Variants in ACOT6 observed in about 807,000 individuals in gnomAD.
ACOT6 encodes the protein acyl-coenzyme A thioesterase 6.
In ACOT6, 14 loss-of-function variants were observed where a neutral mutation model predicts 12.3. The observed-to-expected ratio is 1.14, with a 90% CI of 0.75 to 1.78. The LOEUF is 1.78. Ranked by LOEUF, ACOT6 falls within the 40% of genes most tolerant of loss-of-function variation. The pLI is 0.00. For synonymous variants in ACOT6, 218 were observed against 231.3 expected (o/e 0.94, Z 0.52); for missense variants, 523 against 551.8 (o/e 0.95, Z 0.52).
At chr14:73,613,178 C>T (rs920739938) in intron 1 of ACOT6, 146 bp downstream of exon 1, 2 of 458,396 alleles carry the variant, frequency 4.4e-6, no homozygotes, top group South Asian at 9.6e-5. Context: ...TCCGCTGTTG[C>T]CCAGGCTGGA....
intron 1 of ACOT6, among the ~76,000 whole-genome samples, chr14:73,615,017 G>C (rs1356417746): frequency 6.9e-6 from 1 of 144,888 alleles, no homozygotes; most frequent in Non-Finnish European, 1.5e-5. Flanking sequence ...TGAACCCAGG[G>C]GGCAGAGGTT....
rs1374933223 is a variant in ACOT6 at position 73,612,770 on chromosome 14, G to A, written c.199G>A (p.Ala67Thr). 23 of 1,367,060 alleles carry A rather than the reference G, an allele frequency of 1.7e-5. No homozygotes were observed. The East Asian group carries it at 6.5e-4, about 38-fold the overall frequency. 84.7% of individuals were successfully genotyped at this position (1,367,060 alleles called of 1,614,324 possible). A position where few individuals can be genotyped will look rare whatever the true frequency, so the allele number is the denominator to read the frequency against. Residue 67 changes from alanine to threonine, a missense_variant, in exon 1 of 3, where the codon GCG becomes ACG. Physicochemically the swap from Ala to Thr is moderately conservative, Grantham distance 58. Transcript: ENST00000645972. Reference protein sequence around the residue: ...RDELDLERAPALGGSFAGLQP... With the variant: ...RDELDLERAPTLGGSFAGLQP... ...CGAGCTGGACCTGGAGCGCGCGCCC[G>A]CGCTGGGAGGCAGCTTCGCGGGGCT...
rs1345587140 is a variant in ACOT6 at position 73,613,013 on chromosome 14, C to G, written c.442C>G (p.Leu148Val). The G allele has an allele frequency of 1.1e-6, 1 of 917,652 alleles. No homozygotes were observed. Among genetic ancestry groups the G allele is most frequent in the African/African-American group, 1.8e-5 (1 of 56,404 alleles). The allele number at this position is 917,652 out of a possible 1,614,324, so 56.8% of individuals were successfully genotyped here. The change falls in exon 1 of 3, where the codon CTC becomes GTC. Residue 148 changes from leucine to valine, a missense_variant. Around this residue, in one of 2 missense-constraint regions of ACOT6, gnomAD observed 304 missense variants for 274.8 expected, o/e 1.11. Transcript: ENST00000645972. ...GCGCGCGGGCCCGGTGCGCGCCGCG[C>G]TCTTCCTGCCGCCGGATGAGTAGTC... The part of the protein sequence containing the change: ...PVRAGPVRAA[L>V]FLPPDEGPFP...
In ACOT6 at chr14:73,619,156, T is replaced by C. The variant is rs564685528; in HGVS notation, c.661-78T>C. On this transcript the variant is annotated intron_variant, in intron 2 of 2. Transcript: ENST00000645972. ...AAAAAGAAAAAAAAGAGAAAGCTAC[T>C]TGGAGAATGTAAAATCACTGTCTGT... The C allele has an allele frequency of 1.7e-4, 246 of 1,482,086 alleles. 1 individual carries two copies. In the African/African-American group the frequency reaches 2.9e-3, roughly 17 times the overall value. The allele number at this position is 1,482,086 out of a possible 1,614,324, so 91.8% of individuals were successfully genotyped here.
At position 73,612,618 on chromosome 14, in the gene ACOT6, A is replaced by T; in HGVS notation, c.47A>T (p.Asp16Val). The T allele has an allele frequency of 7.1e-7, 1 of 1,418,182 alleles. No homozygotes were observed. The highest frequency in any genetic ancestry group is 9.2e-7 in the Non-Finnish European group (1 of 1,082,050). The allele number at this position is 1,418,182 out of a possible 1,614,324, so 87.8% of individuals were successfully genotyped here. A position where few individuals can be genotyped will look rare whatever the true frequency, so the allele number is the denominator to read the frequency against. Residue 16 changes from aspartate (D) to valine (V), a missense_variant, in exon 1 of 3, where the codon GAC (aspartate) becomes GTC (valine). Physicochemically the swap from Asp to Val is radical, Grantham distance 152. Coordinates refer to ENST00000645972, the MANE Select transcript of ACOT6 (RefSeq NM_001365788.1). ...GAGCCCGCGGGCCGCTGCTGCTGGG[A>T]CGAGCCGCTGCGCATCGCAGTGCGC... ...ILEPAGRCCWDEPLRIAVRGL... is the reference protein window; with the variant it reads ...ILEPAGRCCWVEPLRIAVRGL...
chr14:73,617,237 C>T (rs771335871), intron 2 of ACOT6, 45 bp downstream of exon 2: 2 of 1,613,346 alleles, frequency 1.2e-6, no homozygotes, highest in Non-Finnish European at 1.7e-6. Context: ...GGGGATAGAG[C>T]TGATGCAGGG....
intron 1 of ACOT6, among the ~76,000 whole-genome samples, chr14:73,613,866 A>G (rs1890489693): frequency 1.3e-5 from 2 of 152,058 alleles, no homozygotes; most frequent in African/African-American, 4.8e-5. Context: ...AATCCCTTCT[A>G]ACTAAATTCC....
intron 1 of ACOT6, among the ~76,000 whole-genome samples, chr14:73,615,864 G>C (rs1418916595): frequency 1.3e-5 from 2 of 152,150 alleles, no homozygotes; most frequent in Non-Finnish European, 2.9e-5. Context: ...CCAGGAGTTT[G>C]AGACTAGCCC....
chr14:73,615,099 A>AC (rs397743211), intron 1 of ACOT6, among the ~76,000 whole-genome samples: 1 of 149,556 alleles, frequency 6.7e-6, no homozygotes, highest in Non-Finnish European at 1.5e-5. Flanking sequence ...AAAAAAAAAA[A>AC]CAAGGCGGCC....
At chr14:73,613,493 G>A (rs546339360) in intron 1 of ACOT6, among the ~76,000 whole-genome samples, 5 of 152,180 alleles carry the variant, frequency 3.3e-5, no homozygotes, top group Non-Finnish European at 7.3e-5. Flanking sequence ...AAAATCCACA[G>A]TATTGGCAAT....
upstream of ACOT6, among the ~76,000 whole-genome samples, chr14:73,611,818 C>T (rs1890447832): frequency 1.3e-5 from 2 of 152,258 alleles, no homozygotes; most frequent in South Asian, 2.1e-4. Flanking sequence ...ATCTGCTTTG[C>T]TCCAGGTACC....
chr14:73,616,366 G>A (rs1357698452), intron 1 of ACOT6, among the ~76,000 whole-genome samples: 2 of 150,782 alleles, frequency 1.3e-5, no homozygotes, highest in African/African-American at 4.9e-5. Context: ...CACCCAGGCT[G>A]GAGTGCAGTG....
At chr14:73,614,026 C>CAAAAAAAAAA (rs59411143) in intron 1 of ACOT6, among the ~76,000 whole-genome samples, 1 of 92,994 alleles carries the variant, frequency 1.1e-5, no homozygotes, top group Non-Finnish European at 2.1e-5. Flanking sequence ...TCTGTCTCTA[C>CAAAAAAAAAA]AAAAAAAAAA....
chr14:73,615,682 G>A (rs992709998), intron 1 of ACOT6, among the ~76,000 whole-genome samples: 2 of 151,832 alleles, frequency 1.3e-5, no homozygotes, highest in African/African-American at 4.8e-5. Flanking sequence ...GCAGTGAGCC[G>A]AGATCGCACC....
intron 1 of ACOT6, among the ~76,000 whole-genome samples, chr14:73,614,088 C>T (rs1890494799): frequency 6.7e-6 from 1 of 149,938 alleles, no homozygotes. Context: ...GTAGTCCCAG[C>T]TGCTTGGGAG....
rs142921619 is a variant in ACOT6 at position 73,619,253 on chromosome 14, C to T, written c.680C>T (p.Ala227Val). Residue 227 changes from alanine (A) to valine (V), a missense_variant, in exon 3 of 3, where the codon GCG (alanine) becomes GTG (valine). Transcript: ENST00000645972. ...CAACAGGTGAAAGGTCCTAGTATTG[C>T]GCTTCTTGGATTTTCCAAAGGAGGT... ...QHPKVKGPSIALLGFSKGGDL... is the reference protein window; with the variant it reads ...QHPKVKGPSIVLLGFSKGGDL... The T allele has an allele frequency of 4.5e-4, 718 of 1,589,902 alleles. No individual in the cohort carries two copies. In the African/African-American group the frequency reaches 7.4e-3, roughly 16 times the overall value.
chr14:73,610,967 C>T (rs1890437678), upstream of ACOT6: 1 of 152,204 alleles, frequency 6.6e-6, no homozygotes, highest in African/African-American at 2.4e-5. Flanking sequence ...TTCCATCACC[C>T]AGGCAGCATT....
At chr14:73,613,726 A>G (rs1344602642) in intron 1 of ACOT6, among the ~76,000 whole-genome samples, 1 of 152,208 alleles carries the variant, frequency 6.6e-6, no homozygotes, top group East Asian at 1.9e-4. Context: ...TCCACAATGC[A>G]CAGGACAACC....
rs1890472489 is a variant in ACOT6, at chr14:73,612,900, A to G, written c.329A>G (p.Asp110Gly). The G allele has an allele frequency of 2.9e-6, 4 of 1,372,104 alleles. No individual in the cohort carries two copies. Among genetic ancestry groups the G allele is most frequent in the Non-Finnish European group, 3.9e-6 (4 of 1,026,518 alleles). The allele number at this position is 1,372,104 out of a possible 1,614,324, so 85.0% of individuals were successfully genotyped here. A position where few individuals can be genotyped will look rare whatever the true frequency, so the allele number is the denominator to read the frequency against. Residue 110 changes from aspartate to glycine, a missense_variant, in exon 1 of 3, where the codon GAC becomes GGC. Asp to Gly is a moderately conservative substitution (Grantham distance 94). Coordinates refer to ENST00000645972, the MANE Select transcript of ACOT6 (RefSeq NM_001365788.1). The part of the protein sequence containing the change: ...TPFAVELEVL[D>G]GHDTEPGRLL... Reference sequence around the variant, plus strand: ...TTCGCCGTGGAGCTGGAAGTGCTGGACGGCCACGACACCGAGCCCGGGCGG... The same window carrying G: ...TTCGCCGTGGAGCTGGAAGTGCTGGGCGGCCACGACACCGAGCCCGGGCGG...
Sources: allele counts gnomAD v4.1 joint callset (sites outside exome capture counted in the v4.1 genomes callset), GRCh38; gene constraint gnomAD v4.1.1; regional missense constraint gnomAD v4.1.1; transcripts MANE v1.5; gene names NCBI Gene and HGNC (gene_info 2026-07-23, HGNC 2026-07-21).